Variants in SH3D19 observed in about 807,000 individuals in gnomAD.
The protein encoded by SH3D19 is SH3 domain-containing protein 19.
SH3D19 carries 58 observed loss-of-function variants against 112.1 expected under a neutral mutation model. The ratio of observed to expected loss-of-function variants is 0.52; its 90% CI spans 0.42 to 0.64. SH3D19 has a LOEUF of 0.64. Ranked by LOEUF, SH3D19 falls within the 30% of genes least tolerant of loss-of-function variation. The probability of loss-of-function intolerance (pLI) is 0.00; values close to 1 mark genes in which losing one functional copy is unlikely to be tolerated. For synonymous variants in SH3D19, 391 were observed against 448.5 expected (o/e 0.87, Z 1.62); for missense variants, 1,090 against 1,263.4 (o/e 0.86, Z 2.08).
In SH3D19 at chr4:151,147,947, C is replaced by A; in HGVS notation, c.2057G>T (p.Gly686Val). The A allele has an allele frequency of 1.2e-6, 2 of 1,612,534 alleles. No homozygotes were observed. Among genetic ancestry groups the A allele is most frequent in the South Asian group, 1.1e-5 (1 of 90,744 alleles). The change falls in exon 11 of 20, where the codon GGA becomes GTA. Residue 686 changes from glycine (G) to valine (V), a missense_variant. Transcript: ENST00000604030. ...DPVLPPRPKP[G>V]HPLYSKYMRG... ...CATGTATTTACTGTAGAGAGGGTGT[C>A]CTGGTTTGGGACGAGGGGGTAGCAC...
Position 151,323,581 on chromosome 4 carries a change from G to A in SH3D19, c.112+1660C>T, listed in dbSNP as rs144246216. Among the ~76,000 whole-genome samples the A allele has an allele frequency of 2.6e-5, 4 of 152,134 alleles. No individual in the cohort carries two copies. The East Asian group carries it at 5.8e-4, about 22-fold the overall frequency. ...ACCCTCTTACTCATTCCATTACATC[G>A]TCCTCACACCCTTTAATGGAAAAAG... On this transcript the variant is annotated intron_variant, in intron 1 of 19. Transcript: ENST00000604030.
chr4:151,279,035 T>C, intron 1 of SH3D19: 2 of 356,806 alleles, frequency 5.6e-6, no homozygotes, highest in South Asian at 2.6e-5. Context: ...CTCACACTTG[T>C]ATGTAGTGTG....
At chr4:151,228,991 G>A (rs1258106969) in intron 1 of SH3D19, among the ~76,000 whole-genome samples, 1 of 151,252 alleles carries the variant, frequency 6.6e-6, no homozygotes, top group East Asian at 1.9e-4. Flanking sequence ...AGTAGTTGAA[G>A]TAGTTAGGAT....
intron 7 of SH3D19, among the ~76,000 whole-genome samples, chr4:151,168,441 TC>T: frequency 6.7e-6 from 1 of 148,356 alleles, no homozygotes; most frequent in Admixed American, 6.7e-5. Flanking sequence ...TCTCACCCAC[TC>T]CCTCTGTCTC....
intron 1 of SH3D19, chr4:151,282,110 T>A: frequency 1.2e-6 from 2 of 1,606,944 alleles, no homozygotes; most frequent in Non-Finnish European, 1.7e-6. Flanking sequence ...CTGACCCAGC[T>A]GCAGGCCATA....
chr4:151,147,692 C>T (rs1052934706), intron 11 of SH3D19, among the ~76,000 whole-genome samples: 3 of 152,154 alleles, frequency 2.0e-5, no homozygotes, highest in African/African-American at 7.2e-5. Context: ...AAACTTTTGG[C>T]CTCAAGCTGA....
At chr4:151,183,851 T>C (rs891202080) in intron 3 of SH3D19, among the ~76,000 whole-genome samples, 1 of 152,184 alleles carries the variant, frequency 6.6e-6, no homozygotes, top group African/African-American at 2.4e-5. Flanking sequence ...CTCAATGGCC[T>C]TGAAGTCAGG....
At chr4:151,263,568 TG>T (rs1199260293) in intron 1 of SH3D19, among the ~76,000 whole-genome samples, 2 of 152,204 alleles carry the variant, frequency 1.3e-5, no homozygotes, top group Non-Finnish European at 2.9e-5. Context: ...AAGACTTAGC[TG>T]GTTAGTTATG....
intron 8 of SH3D19, among the ~76,000 whole-genome samples, chr4:151,163,731 C>T (rs922038308): frequency 6.6e-6 from 1 of 151,952 alleles, no homozygotes; most frequent in Non-Finnish European, 1.5e-5. Context: ...CAGGTGTGTG[C>T]CACCATGCTT....
At chr4:151,158,337 C>A (rs769873746) in intron 9 of SH3D19, among the ~76,000 whole-genome samples, 1 of 152,002 alleles carries the variant, frequency 6.6e-6, no homozygotes, top group Non-Finnish European at 1.5e-5. Context: ...CTCACTCTGT[C>A]GCCCCAGGCT....
chr4:151,127,001 C>T (rs1749546477), intron 19 of SH3D19, among the ~76,000 whole-genome samples: 1 of 151,326 alleles, frequency 6.6e-6, no homozygotes, highest in Non-Finnish European at 1.5e-5. Context: ...GCTCCACCTC[C>T]CGGGTTCATG....
intron 2 of SH3D19, among the ~76,000 whole-genome samples, chr4:151,216,514 G>T (rs921754239): frequency 2.0e-5 from 3 of 152,000 alleles, no homozygotes; most frequent in African/African-American, 7.3e-5. Context: ...ACTGCAGAAA[G>T]GTAAATAACT....
At chr4:151,306,941 G>A (rs568976568) in intron 1 of SH3D19, among the ~76,000 whole-genome samples, 5 of 151,320 alleles carry the variant, frequency 3.3e-5, no homozygotes, top group Admixed American at 6.6e-5. Context: ...CCACTCTCCC[G>A]CATCATTCCT....
intron 3 of SH3D19, among the ~76,000 whole-genome samples, chr4:151,181,962 C>T (rs1251475678): frequency 6.6e-6 from 1 of 150,730 alleles, no homozygotes; most frequent in Non-Finnish European, 1.5e-5. Flanking sequence ...CACACATAAC[C>T]AGTTGAAAAA....
At chr4:151,298,995 C>G (rs1338049156) in intron 1 of SH3D19, among the ~76,000 whole-genome samples, 4 of 152,196 alleles carry the variant, frequency 2.6e-5, no homozygotes, top group Non-Finnish European at 5.9e-5. Context: ...CACCATCACC[C>G]TCTAACCTTT....
At chr4:151,294,548 A>AGCCCAGCATGTT (rs1315759900) in intron 1 of SH3D19, among the ~76,000 whole-genome samples, 1 of 152,240 alleles carries the variant, frequency 6.6e-6, no homozygotes, top group African/African-American at 2.4e-5. Flanking sequence ...TGGGGCAGTT[A>AGCCCAGCATGTT]GCCCAGCATG....
At chr4:151,233,848 T>C (rs902027085) in intron 1 of SH3D19, among the ~76,000 whole-genome samples, 1 of 152,180 alleles carries the variant, frequency 6.6e-6, no homozygotes, top group Admixed American at 6.5e-5. Flanking sequence ...CATGTGTCTG[T>C]CCCCTTTATC....
At chr4:151,220,113 A>C (rs1767791935) in intron 2 of SH3D19, among the ~76,000 whole-genome samples, 1 of 152,186 alleles carries the variant, frequency 6.6e-6, no homozygotes, top group Non-Finnish European at 1.5e-5. Context: ...TGGGCTCTTT[A>C]GTCTGCTTCA....
At chr4:151,266,541 C>T (rs769310657) in intron 1 of SH3D19, among the ~76,000 whole-genome samples, 1 of 152,088 alleles carries the variant, frequency 6.6e-6, no homozygotes, top group African/African-American at 2.4e-5. Flanking sequence ...GTGAAAATTC[C>T]GAATAATGGA....
Sources: allele counts gnomAD v4.1 joint callset (sites outside exome capture counted in the v4.1 genomes callset), GRCh38; gene constraint gnomAD v4.1.1; transcripts MANE v1.5; gene names NCBI Gene and HGNC (gene_info 2026-07-23, HGNC 2026-07-21).